FAM149A: variants seen among roughly 807,000 people sequenced by gnomAD.
FAM149A encodes the protein family with sequence similarity 149 member A.
FAM149A carries 71 observed loss-of-function variants against 78.2 expected under a neutral mutation model. The ratio of observed to expected loss-of-function variants is 0.91; its 90% confidence interval spans 0.75 to 1.11. The LOEUF (loss-of-function observed/expected upper bound fraction) is 1.11. Among genes scored for constraint, FAM149A ranks in the 50% least tolerant of loss-of-function variants. The pLI is 0.00. For missense variants in FAM149A, 1,036 were observed against 971.0 expected (o/e 1.07, Z -0.89); for synonymous variants, 446 against 410.5 (o/e 1.09, Z -1.04).
chr4:186,146,536 C>G, intron 1 of FAM149A: 1 of 977,244 alleles, frequency 1.0e-6, no homozygotes. Context: ...ACCCTTTCCC[C>G]TGAAAAAGAG....
chr4:186,110,042 C>T lies in FAM149A; in HGVS notation c.566+4400C>T, dbSNP rs141994010. 70 of 985,394 alleles carry T rather than the reference C, an allele frequency of 7.1e-5. No individual in the cohort carries two copies. In the African/African-American group the frequency reaches 1.2e-3, roughly 17 times the overall value. The allele number at this position is 985,394 out of a possible 1,614,324, so 61.0% of individuals were successfully genotyped here. A position where few individuals can be genotyped will look rare whatever the true frequency, so the allele number is the denominator to read the frequency against. The stretch of plus-strand genomic sequence containing the variant: ...TTTGTGTAGCCCTTGTCTTTTCCTC[C>T]ACTGAAACCCTGTGATTTATATTCA... On this transcript the variant is annotated intron_variant, in intron 1 of 13. Transcript: ENST00000389354.
intron 6 of FAM149A, 114 bp from the exon 7 acceptor site, chr4:186,155,886 C>A: frequency 2.7e-6 from 2 of 740,000 alleles, no homozygotes; most frequent in Non-Finnish European, 3.9e-6. Context: ...TGCTGTTTAA[C>A]AAAGAATGTT....
chr4:186,164,463 A>G lies in FAM149A; in HGVS notation c.1889+830A>G. On this transcript the variant is annotated intron_variant, in intron 10 of 13. Coordinates refer to ENST00000389354, the MANE Select transcript of FAM149A (RefSeq NM_001367768.3). The surrounding 1 kb of genome is among the most constrained non-coding windows in gnomAD (Gnocchi z 4.0). ...CGAGCTCAGGAGCGGGCGGCTGCCA[A>G]CGCTTACCTGGCACCCAGACTTTTT... is the stretch of plus-strand genomic sequence containing the variant. The G allele has an allele frequency of 1.0e-6, 1 of 985,398 alleles. No homozygotes were observed. The highest frequency in any genetic ancestry group is 1.2e-6 in the Non-Finnish European group (1 of 829,912). The allele number at this position is 985,398 out of a possible 1,614,324, so 61.0% of individuals were successfully genotyped here.
At chr4:186,169,805 C>A in intron 13 of FAM149A, 1 of 985,392 alleles carries the variant, frequency 1.0e-6, no homozygotes, top group Non-Finnish European at 1.2e-6. Flanking sequence ...TCATGTAGGA[C>A]CCAGGGAACG....
intron 1 of FAM149A, chr4:186,125,900 T>G: frequency 1.0e-6 from 1 of 985,274 alleles, no homozygotes; most frequent in Non-Finnish European, 1.2e-6. Context: ...TGTGGCACCC[T>G]CTCTGTGTCC....
intron 8 of FAM149A, chr4:186,158,344 T>C: frequency 8.3e-7 from 1 of 1,206,978 alleles, no homozygotes; most frequent in Non-Finnish European, 1.0e-6. Context: ...TTCTCCTCTG[T>C]GCTGTGTGGA....
chr4:186,162,569 C>G (rs573229586), intron 8 of FAM149A, among the ~76,000 whole-genome samples: 34 of 152,318 alleles, frequency 2.2e-4, no homozygotes, highest in African/African-American at 7.9e-4. Context: ...TGCAGCTACC[C>G]TCTCCGGGTG....
intron 4 of FAM149A, among the ~76,000 whole-genome samples, chr4:186,152,539 CTTTT>C (rs10718602): frequency 1.8e-3 from 159 of 88,286 alleles, no homozygotes; most frequent in African/African-American, 5.5e-3. Flanking sequence ...TTTCTTTTTG[CTTTT>C]TTTTTTTTTT....
chr4:186,132,647 T>C (rs1322158312), intron 1 of FAM149A, among the ~76,000 whole-genome samples: 29 of 152,142 alleles, frequency 1.9e-4, no homozygotes, highest in Admixed American at 1.9e-3. Flanking sequence ...TGAATCCACT[T>C]GTTCCAAGAC....
At chr4:186,109,238 A>G (rs1372744595) in intron 1 of FAM149A, 1 of 972,148 alleles carries the variant, frequency 1.0e-6, no homozygotes, top group Non-Finnish European at 1.2e-6. Context: ...GAATGTTGGT[A>G]GAGTGTAAAC....
At chr4:186,125,373 T>C in intron 1 of FAM149A, 4 of 974,674 alleles carry the variant, frequency 4.1e-6, no homozygotes, top group East Asian at 1.1e-4. Context: ...CGGAGGTCTC[T>C]TGATGATAGC....
At chr4:186,161,174 TG>T (rs888754953) in intron 8 of FAM149A, among the ~76,000 whole-genome samples, 11 of 152,242 alleles carry the variant, frequency 7.2e-5, no homozygotes, top group Admixed American at 2.6e-4. Flanking sequence ...ATAAGTCCTC[TG>T]GGAGTCAGAA....
In FAM149A at chr4:186,163,583, A is replaced by C. The variant is rs201562459; in HGVS notation, c.1839A>C (p.Arg613Ser). ...CTTCTCTTGCTTCAGATTCACAGAGACTAAAAACTCCCAACATCTATAGTG... is the reference window on the plus strand; with the variant it reads ...CTTCTCTTGCTTCAGATTCACAGAGCCTAAAAACTCCCAACATCTATAGTG... Residue 613 changes from arginine to serine, a missense_variant, in exon 10 of 14, where the codon AGA becomes AGC. Arg to Ser is a moderately radical substitution (Grantham distance 110). Coordinates refer to ENST00000389354, the MANE Select transcript of FAM149A (RefSeq NM_001367768.3). 1.7e-5 allele frequency: 28 copies of C among 1,614,074 alleles called. No individual in the cohort carries two copies. The African/African-American group carries it at 3.3e-4, about 19-fold the overall frequency.
intron 1 of FAM149A, among the ~76,000 whole-genome samples, chr4:186,111,376 C>T (rs928401617): frequency 0.015 from 2,265 of 151,306 alleles, 67 homozygotes; most frequent in African/African-American, 0.052. Context: ...GTTTCTTTTG[C>T]TGTGCAGAAG....
intron 7 of FAM149A, among the ~76,000 whole-genome samples, chr4:186,156,921 A>AGCTATGATCGTGCCGCT (rs148148966): frequency 0.56 from 84,754 of 151,824 alleles, 26,130 homozygotes; most frequent in Non-Finnish European, 0.71. Context: ...ATTGAAAGTG[A>AGCTATGATCGTGCCGCT]GCACTCCATC....
chr4:186,160,516 CAT>C (rs1418057639), intron 8 of FAM149A, among the ~76,000 whole-genome samples: 1 of 148,530 alleles, frequency 6.7e-6, no homozygotes, highest in African/African-American at 2.5e-5. Context: ...CAAATACACA[CAT>C]ACACACACAC....
chr4:186,158,217 T>C (rs1479698939), intron 8 of FAM149A: 13 of 1,274,426 alleles, frequency 1.0e-5, no homozygotes, highest in Non-Finnish European at 1.2e-5. Context: ...CCTGGAACCT[T>C]CACTCGCCAG....
rs535018565 is a variant in FAM149A at position 186,145,647 on chromosome 4, C to T, written c.567-3526C>T. Among the ~76,000 whole-genome samples, 4 of 152,242 alleles carry T rather than the reference C, an allele frequency of 2.6e-5. No individual in the cohort carries two copies. In the East Asian group the frequency reaches 5.8e-4, roughly 22 times the overall value. On this transcript the variant is annotated intron_variant, in intron 1 of 13. Coordinates refer to ENST00000389354, the MANE Select transcript of FAM149A (RefSeq NM_001367768.3). ...TTGGAACTCACCCTTAACCTCCATG[C>T]GCCAACAAATGAGTGCAGTCTAGTT...
At chr4:186,165,220 A>G (rs1734935494) in intron 10 of FAM149A, 124 bp from the exon 11 acceptor site, 2 of 1,019,020 alleles carry the variant, frequency 2.0e-6, no homozygotes, top group Admixed American at 3.7e-5. Context: ...CACATAGCAG[A>G]AATCAAAGAC....
Sources: allele counts gnomAD v4.1 joint callset (sites outside exome capture counted in the v4.1 genomes callset), GRCh38; gene constraint gnomAD v4.1.1; non-coding constraint Gnocchi (gnomAD v3.1); transcripts MANE v1.5; gene names NCBI Gene and HGNC (gene_info 2026-07-23, HGNC 2026-07-21).